RAP1GAP2: variants seen among roughly 807,000 people sequenced by gnomAD.
RAP1GAP2 encodes RAP1 GTPase activating protein 2, also known as rap1 GTPase-activating protein 2.
Under a neutral mutation model 95.0 loss-of-function variants are expected in RAP1GAP2, and 27 were observed. The observed-to-expected ratio is 0.28, with a 90% confidence interval of 0.21 to 0.39. The LOEUF (loss-of-function observed/expected upper bound fraction) is 0.39. RAP1GAP2 is among the 10% of genes least tolerant of loss of function. The probability of loss-of-function intolerance (pLI) is 1.00; values close to 1 mark genes in which losing one functional copy is unlikely to be tolerated. For missense variants in RAP1GAP2, 771 were observed against 970.0 expected (o/e 0.79, Z 2.72); for synonymous variants, 373 against 380.9 (o/e 0.98, Z 0.24).
chr17:2,889,863 GTATA>G (rs748546441), intron 2 of RAP1GAP2, among the ~76,000 whole-genome samples: 1,671 of 79,792 alleles, frequency 0.021, 74 homozygotes, highest in African/African-American at 0.072. Flanking sequence ...TTATGTGTGT[GTATA>G]TATATATATA....
intron 2 of RAP1GAP2, among the ~76,000 whole-genome samples, chr17:2,835,824 A>G (rs536492819): frequency 1.3e-5 from 2 of 152,140 alleles, no homozygotes; most frequent in South Asian, 4.1e-4. Flanking sequence ...ATTCCCCAAC[A>G]TTTTCCTGGA....
chr17:2,969,438 C>T (rs1383029556), intron 8 of RAP1GAP2, among the ~76,000 whole-genome samples: 1 of 149,604 alleles, frequency 6.7e-6, no homozygotes, highest in Non-Finnish European at 1.5e-5. Flanking sequence ...TTGAAACACA[C>T]ACACACACAC....
At position 3,020,545 on chromosome 17, in the gene RAP1GAP2, C is replaced by T; in HGVS notation, c.1701C>T (p.Phe567=). 6.2e-7 allele frequency: 1 copy of T among 1,613,896 alleles called. No homozygotes were observed. The highest frequency in any genetic ancestry group is 8.5e-7 in the Non-Finnish European group (1 of 1,179,868). Residue 567 remains phenylalanine, a synonymous_variant, in exon 19 of 25, where the codon TTC becomes TTT. Transcript: ENST00000254695. ...CCATCAAGCGACGCTCGGGGCTCTT[C>T]CCCCGCCTGCACACGGGCTCAGAAG... ...RSPIKRRSGL[F]PRLHTGSEGQ...
At chr17:3,026,159 C>T (rs527988868) in intron 20 of RAP1GAP2, 38 bp downstream of exon 20, 14 of 1,513,238 alleles carry the variant, frequency 9.3e-6, no homozygotes, top group Admixed American at 6.9e-5. Context: ...GCTTCGGCCA[C>T]GTGGAGCCCT....
chr17:2,854,144 C>T, intron 2 of RAP1GAP2: 1 of 985,354 alleles, frequency 1.0e-6, no homozygotes, highest in African/African-American at 1.7e-5. Flanking sequence ...CGCTCTCCTG[C>T]TGCATGCCAG....
At position 2,864,769 on chromosome 17, in the gene RAP1GAP2, G is replaced by C. The variant is rs375502598; in HGVS notation, c.81-40515G>C. ...TAGCGGGGCGCCCTGTGGGAGCTGG[G>C]CTGCAGAATGGCCACTGTGGATTTG... is the stretch of plus-strand genomic sequence containing the variant. On this transcript the variant is annotated intron_variant, in intron 2 of 24. Transcript: ENST00000254695. Among the ~76,000 whole-genome samples the C allele has an allele frequency of 3.2e-4, 49 of 152,318 alleles. 2 individuals are homozygous for C. In the South Asian group the frequency reaches 7.9e-3, roughly 24 times the overall value.
At chr17:2,953,582 C>T (rs112233286) in intron 3 of RAP1GAP2, among the ~76,000 whole-genome samples, 42 of 152,292 alleles carry the variant, frequency 2.8e-4, no homozygotes, top group African/African-American at 8.4e-4. Flanking sequence ...TACGATGGCT[C>T]ACGCTTGTCA....
In RAP1GAP2 at chr17:2,780,199, C is replaced by T. The variant is rs142349278; in HGVS notation, c.-14+2921C>T. On this transcript the variant is annotated intron_variant, in intron 1 of 24. Coordinates refer to the RAP1GAP2 transcript ENST00000540393. ...CCGAGTTGCTGGGATTACAGGCGTG[C>T]GCCACCACGTCCTACTAATTTTTGT... Among the ~76,000 whole-genome samples, 1,420 of 152,250 alleles carry T rather than the reference C, an allele frequency of 9.3e-3. 19 individuals carry two copies. Among genetic ancestry groups the T allele is most frequent in the African/African-American group, 0.031 (1,301 of 41,540 alleles).
Position 2,902,494 on chromosome 17 carries a change from C to T in RAP1GAP2, c.81-2790C>T, listed in dbSNP as rs2042058116. On this transcript the variant is annotated intron_variant, in intron 2 of 24. Coordinates refer to ENST00000254695, the MANE Select transcript of RAP1GAP2 (RefSeq NM_015085.5). The surrounding 1 kb of genome is among the most constrained non-coding windows in gnomAD (Gnocchi z 4.1). ...TCAGCCTCCCAAAATGGTGGGATTA[C>T]AGGCATGAGCCACCGCTCTGGGCCC... Among the ~76,000 whole-genome samples the T allele has an allele frequency of 1.3e-5, 2 of 152,204 alleles. No homozygotes were observed. The highest frequency in any genetic ancestry group is 4.1e-4 in the South Asian group (2 of 4,832).
upstream of RAP1GAP2, among the ~76,000 whole-genome samples, chr17:2,791,707 C>T (rs146296406): frequency 1.2e-4 from 19 of 152,244 alleles, no homozygotes; most frequent in African/African-American, 4.6e-4. Context: ...CTCACAGATG[C>T]CGGTGCTGCC....
intron 2 of RAP1GAP2, among the ~76,000 whole-genome samples, chr17:2,842,393 G>C (rs982821646): frequency 6.6e-6 from 1 of 152,020 alleles, no homozygotes; most frequent in African/African-American, 2.4e-5. Flanking sequence ...AGCCAGGCGT[G>C]GTGGCACATG....
upstream of RAP1GAP2, among the ~76,000 whole-genome samples, chr17:2,796,194 GCTGGGGCTGTGTGGGCCGGGCTGCTAA>G (rs535333089): frequency 1.2e-4 from 18 of 152,312 alleles, no homozygotes; most frequent in East Asian, 1.7e-3. This position sits in a 1 kb window ranked among gnomAD's most constrained non-coding sequence, Gnocchi z 4.7. Flanking sequence ...GTTCCAGGAA[GCTGGGGCTGTGTGGGCCGGGCTGCTAA>G]CTGGGGCTGT....
intron 3 of RAP1GAP2, among the ~76,000 whole-genome samples, chr17:2,914,092 C>A (rs548472197): frequency 6.6e-6 from 1 of 152,014 alleles, no homozygotes; most frequent in Non-Finnish European, 1.5e-5. Flanking sequence ...AGGATGGTCT[C>A]GAACTCCCAA....
At chr17:2,897,748 T>C (rs2041886025) in intron 2 of RAP1GAP2, among the ~76,000 whole-genome samples, 1 of 152,034 alleles carries the variant, frequency 6.6e-6, no homozygotes, top group Non-Finnish European at 1.5e-5. Flanking sequence ...GAAGAGAGGC[T>C]CACTGTGGGG....
At chr17:2,844,896 G>A (rs2071520862) in intron 2 of RAP1GAP2, among the ~76,000 whole-genome samples, 1 of 152,164 alleles carries the variant, frequency 6.6e-6, no homozygotes, top group African/African-American at 2.4e-5. Context: ...TTTATTAGGA[G>A]TCGGGTAAAA....
chr17:2,935,789 G>A (rs923173491), intron 3 of RAP1GAP2, among the ~76,000 whole-genome samples: 3 of 152,182 alleles, frequency 2.0e-5, no homozygotes, highest in African/African-American at 2.4e-5. Flanking sequence ...ACAGCTGGCC[G>A]GTGACCGGGC....
At position 2,855,760 on chromosome 17, in the gene RAP1GAP2, C is replaced by T. The variant is rs2072106825; in HGVS notation, c.81-49524C>T. Reference sequence around the variant, plus strand: ...CCGGAGTAGCTGGGACTACAAGTACCCACCACCACGCCCAGCTAATTTTTT... The same window carrying T: ...CCGGAGTAGCTGGGACTACAAGTACTCACCACCACGCCCAGCTAATTTTTT... On this transcript the variant is annotated intron_variant, in intron 2 of 24. Coordinates refer to ENST00000254695, the MANE Select transcript of RAP1GAP2 (RefSeq NM_015085.5). The surrounding 1 kb of genome is among the most constrained non-coding windows in gnomAD (Gnocchi z 4.3). Among the ~76,000 whole-genome samples, 1 of 152,076 alleles carries T rather than the reference C, an allele frequency of 6.6e-6. No homozygotes were observed.
rs1225389934 is a variant in RAP1GAP2 at position 2,870,844 on chromosome 17, C to G, written c.81-34440C>G. Among the ~76,000 whole-genome samples the G allele has an allele frequency of 1.3e-5, 2 of 152,228 alleles. No homozygotes were observed. Among genetic ancestry groups the G allele is most frequent in the Non-Finnish European group, 2.9e-5 (2 of 68,044 alleles). On this transcript the variant is annotated intron_variant, in intron 2 of 24. Coordinates refer to ENST00000254695, the MANE Select transcript of RAP1GAP2 (RefSeq NM_015085.5). The surrounding 1 kb of genome is among the most constrained non-coding windows in gnomAD (Gnocchi z 4.4). ...GGGCATTGGCAGAACTCCTCTCTGT[C>G]TCGTCACTGTGTCTCTTTGTGTTGG...
At chr17:2,874,460 A>G (rs1356046730) in intron 2 of RAP1GAP2, among the ~76,000 whole-genome samples, 1 of 152,074 alleles carries the variant, frequency 6.6e-6, no homozygotes, top group African/African-American at 2.4e-5. Context: ...GAAGCTTGTA[A>G]AAGTCAGGGC....
Sources: gnomAD v4.1 joint callset for allele counts (sites outside exome capture counted in the v4.1 genomes callset) on GRCh38, gnomAD v4.1.1 for gene constraint, Gnocchi (gnomAD v3.1) non-coding constraint, MANE v1.5 for transcripts, NCBI Gene and HGNC (gene_info 2026-07-23, HGNC 2026-07-21) for gene names.